Variants in EGLN1 observed in about 807,000 individuals in gnomAD.
The protein encoded by EGLN1 is egl-9 family hypoxia inducible factor 1, also known as egl nine homolog 1.
EGLN1 carries 17 observed loss-of-function variants against 38.3 expected under a neutral mutation model. The observed-to-expected ratio is 0.44, with a 90% CI of 0.30 to 0.67. The LOEUF (loss-of-function observed/expected upper bound fraction) is 0.67, where lower values mean the gene tolerates loss of function less well. Ranked by LOEUF, EGLN1 falls within the 30% of genes least tolerant of loss-of-function variation. The probability of loss-of-function intolerance (pLI) is 0.08; values close to 1 mark genes in which losing one functional copy is unlikely to be tolerated. For synonymous variants in EGLN1, 283 were observed against 257.5 expected (o/e 1.10, Z -0.95); for missense variants, 477 against 603.3 (o/e 0.79, Z 2.19).
In EGLN1 at chr1:231,421,417, C is replaced by T. The variant is rs1010017216; in HGVS notation, c.472G>A (p.Glu158Lys). The T allele has an allele frequency of 1.3e-6, 2 of 1,587,286 alleles. No individual in the cohort carries two copies. The highest frequency in any genetic ancestry group is 1.3e-5 in the African/African-American group (1 of 74,204). Residue 158 changes from glutamate (E) to lysine (K), a missense_variant, in exon 1 of 5, where the codon GAG becomes AAG. Glu to Lys is a moderately conservative substitution (Grantham distance 56). Transcript: ENST00000366641. This position sits in a 1 kb window ranked among gnomAD's most constrained non-coding sequence, Gnocchi z 5.5. ...CTTGGGGGGTACAGGTTCGCCTTCT[C>T]CTGGAACAGCGATGAGCGGGCCGGC... is the stretch of plus-strand genomic sequence containing the variant. ...EPPARSSLFQ[E>K]KANLYPPSNT... is the part of the protein sequence containing the mutation.
intron 1 of EGLN1, among the ~76,000 whole-genome samples, chr1:231,403,658 C>G (rs1688716135): frequency 6.6e-6 from 1 of 150,712 alleles, no homozygotes; most frequent in Non-Finnish European, 1.5e-5. Context: ...GTACTTGGCA[C>G]TCAGCTACTT....
chr1:231,415,365 G>A (rs1052956000), intron 1 of EGLN1, among the ~76,000 whole-genome samples: 2 of 151,768 alleles, frequency 1.3e-5, no homozygotes, highest in Admixed American at 1.3e-4. Context: ...TCAAAGGTCT[G>A]TTGATTTTGT....
chr1:231,406,093 C>T (rs1312814780), intron 1 of EGLN1, among the ~76,000 whole-genome samples: 2 of 135,556 alleles, frequency 1.5e-5, no homozygotes, highest in African/African-American at 5.8e-5. Flanking sequence ...ACCCGGGAGG[C>T]GGAACTTGCA....
At chr1:231,387,256 C>CACACACA (rs541391196) in intron 1 of EGLN1, among the ~76,000 whole-genome samples, 1 of 149,322 alleles carries the variant, frequency 6.7e-6, no homozygotes, top group Non-Finnish European at 1.5e-5. Flanking sequence ...CACACACACA[C>CACACACA]CCCCCTAATT....
At chr1:231,384,599 G>C (rs1688150762) in intron 1 of EGLN1, among the ~76,000 whole-genome samples, 1 of 152,166 alleles carries the variant, frequency 6.6e-6, no homozygotes, top group Non-Finnish European at 1.5e-5. Context: ...AGTGTGACTG[G>C]AGAGGAGGGA....
intron 1 of EGLN1, among the ~76,000 whole-genome samples, chr1:231,410,684 A>G (rs1688915196): frequency 6.6e-6 from 1 of 152,124 alleles, no homozygotes; most frequent in African/African-American, 2.4e-5. Flanking sequence ...AGTGAACTGA[A>G]CTTTAGGAAA....
intron 1 of EGLN1, among the ~76,000 whole-genome samples, chr1:231,394,878 G>C (rs1688482280): frequency 6.6e-6 from 1 of 152,118 alleles, no homozygotes; most frequent in African/African-American, 2.4e-5. Context: ...ACAATATAGT[G>C]ATGGAATAAA....
intron 2 of EGLN1, among the ~76,000 whole-genome samples, chr1:231,371,534 C>T (rs1267231114): frequency 6.6e-6 from 1 of 152,174 alleles, no homozygotes; most frequent in Non-Finnish European, 1.5e-5. Flanking sequence ...GCATATAGTT[C>T]ATTAGAACCT....
chr1:231,396,354 A>T (rs1391614370), intron 1 of EGLN1, among the ~76,000 whole-genome samples: 1 of 151,808 alleles, frequency 6.6e-6, no homozygotes. Context: ...CCTAGGTTCA[A>T]GCGATTCTCC....
At chr1:231,372,090 C>G (rs1687838497) in intron 2 of EGLN1, among the ~76,000 whole-genome samples, 1 of 152,208 alleles carries the variant, frequency 6.6e-6, no homozygotes, top group African/African-American at 2.4e-5. Context: ...GGGAGTACCA[C>G]AGGTGACCTG....
intron 2 of EGLN1, among the ~76,000 whole-genome samples, chr1:231,373,391 A>T (rs1447403007): frequency 6.6e-6 from 1 of 152,242 alleles, no homozygotes; most frequent in Non-Finnish European, 1.5e-5. Flanking sequence ...TTTTCTAAAA[A>T]CTATTAAAAG....
chr1:231,385,056 A>G (rs973252), intron 1 of EGLN1, among the ~76,000 whole-genome samples: 83,053 of 152,072 alleles, frequency 0.55, 24,289 homozygotes, highest in Non-Finnish European at 0.65. Flanking sequence ...AGTGGTAGCA[A>G]TGGAGGTGGT....
In EGLN1 at chr1:231,421,545, T is replaced by C; in HGVS notation, c.344A>G (p.Lys115Arg). 1.5e-6 allele frequency: 2 copies of C among 1,304,206 alleles called. No individual in the cohort carries two copies. Among genetic ancestry groups the C allele is most frequent in the Non-Finnish European group, 1.9e-6 (2 of 1,029,620 alleles). 80.8% of individuals were successfully genotyped at this position (1,304,206 alleles called of 1,614,324 possible). A position where few individuals can be genotyped will look rare whatever the true frequency, so the allele number is the denominator to read the frequency against. Reference sequence around the variant, plus strand: ...GGCCGCCGCTGGGTCGGCCGGGGGCTTGGCCTTTACTTTTCCCTTGGCCGC... The same window carrying C: ...GGCCGCCGCTGGGTCGGCCGGGGGCCTGGCCTTTACTTTTCCCTTGGCCGC... ...GDAAKGKVKA[K>R]PPADPAAAAS... The change falls in exon 1 of 5, where the codon AAG becomes AGG. Residue 115 changes from lysine (K) to arginine (R), a missense_variant. Physicochemically the swap from Lys to Arg is conservative, Grantham distance 26 (BLOSUM62 2). Transcript: ENST00000366641. This position sits in a 1 kb window ranked among gnomAD's most constrained non-coding sequence, Gnocchi z 5.5.
At chr1:231,389,046 C>T (rs991912671) in intron 1 of EGLN1, among the ~76,000 whole-genome samples, 2 of 152,086 alleles carry the variant, frequency 1.3e-5, no homozygotes, top group Non-Finnish European at 2.9e-5. Context: ...ATATACAGCT[C>T]ATACAAAGCT....
chr1:231,403,882 A>C (rs551711720), intron 1 of EGLN1, among the ~76,000 whole-genome samples: 2 of 152,150 alleles, frequency 1.3e-5, no homozygotes, highest in East Asian at 3.9e-4. Flanking sequence ...AATTATTCAA[A>C]GTATTGTATA....
At chr1:231,390,950 C>T (rs2749705) in intron 1 of EGLN1, among the ~76,000 whole-genome samples, 81,261 of 149,344 alleles carry the variant, frequency 0.54, 23,880 homozygotes, top group Non-Finnish European at 0.65. Context: ...TGAGCTCAAG[C>T]AATACTCCTG....
Position 231,379,766 on chromosome 1 carries a change from CCA to C in EGLN1, c.892-5669_892-5668del, listed in dbSNP as rs1572024591. 5.9e-5 allele frequency among the ~76,000 whole-genome samples: 9 copies of C among 152,334 alleles called. No individual in the cohort carries two copies. The South Asian group carries it at 1.9e-3, about 32-fold the overall frequency. Reference sequence around the variant, plus strand: ...CAGACATGGGGAGAACTTGCATGCTCCACACAGACATTGGCCTCGGCCAGGAA... The same window carrying C: ...CAGACATGGGGAGAACTTGCATGCTCCACAGACATTGGCCTCGGCCAGGAA... On this transcript the variant is annotated intron_variant, in intron 1 of 4. Coordinates refer to ENST00000366641, the MANE Select transcript of EGLN1 (RefSeq NM_022051.3).
intron 1 of EGLN1, among the ~76,000 whole-genome samples, chr1:231,382,319 G>A (rs2102905692): frequency 6.6e-6 from 1 of 152,308 alleles, no homozygotes; most frequent in East Asian, 1.9e-4. Flanking sequence ...GGACATGAGT[G>A]AGAGGTTCCT....
chr1:231,374,205 T>C, intron 1 of EGLN1, 106 bp from the exon 2 acceptor site: 1 of 950,658 alleles, frequency 1.1e-6, no homozygotes. Flanking sequence ...ACACTTAGAT[T>C]CTTCTAATAA....
Sources: gnomAD v4.1 joint callset for allele counts (sites outside exome capture counted in the v4.1 genomes callset) on GRCh38, gnomAD v4.1.1 for gene constraint, Gnocchi (gnomAD v3.1) non-coding constraint, MANE v1.5 for transcripts, NCBI Gene and HGNC (gene_info 2026-07-23, HGNC 2026-07-21) for gene names.